Variants in IQGAP2 observed in about 807,000 individuals in gnomAD.
IQGAP2 encodes the protein IQ motif containing GTPase activating protein 2.
IQGAP2 carries 173 observed loss-of-function variants against 201.3 expected under a neutral mutation model. The observed-to-expected ratio is 0.86, with a 90% CI of 0.76 to 0.98. The LOEUF is 0.98. Among genes scored for constraint, IQGAP2 ranks in the 50% least tolerant of loss-of-function variants. The pLI is 0.00. For synonymous variants in IQGAP2, 675 were observed against 673.9 expected, an observed-to-expected ratio of 1.00 and a Z score of -0.03; for missense variants, 1,687 against 1,864.8, an observed-to-expected ratio of 0.90 and a Z score of 1.76.
intron 2 of IQGAP2, among the ~76,000 whole-genome samples, chr5:76,501,683 C>T (rs1757286398): frequency 1.4e-5 from 2 of 138,904 alleles, no homozygotes; most frequent in South Asian, 4.8e-4. Context: ...ACTCTTGTCA[C>T]CCAGGCTGGA....
chr5:76,432,771 G>A (rs1752445686), intron 1 of IQGAP2, among the ~76,000 whole-genome samples: 1 of 152,198 alleles, frequency 6.6e-6, no homozygotes. Flanking sequence ...AAGTGATTAT[G>A]AGAAGATCGG....
intron 2 of IQGAP2, among the ~76,000 whole-genome samples, chr5:76,507,574 G>T (rs139389656): frequency 0.011 from 1,747 of 152,236 alleles, 39 homozygotes; most frequent in African/African-American, 0.041. Context: ...TCCGTTCTGT[G>T]AAAGGCCATG....
intron 1 of IQGAP2, chr5:76,441,564 G>C (rs764429797): frequency 1.0e-6 from 1 of 970,666 alleles, no homozygotes; most frequent in Non-Finnish European, 1.2e-6. Context: ...TAAAGCCAGT[G>C]GCAGGGTTCG....
intron 33 of IQGAP2, among the ~76,000 whole-genome samples, chr5:76,699,963 C>CTA (rs199629787): frequency 8.6e-6 from 1 of 116,200 alleles, no homozygotes; most frequent in Non-Finnish European, 1.8e-5. Context: ...CTCTCTCTCT[C>CTA]TATATATATA....
chr5:76,509,877 A>G (rs567203192), intron 2 of IQGAP2, among the ~76,000 whole-genome samples: 2 of 152,268 alleles, frequency 1.3e-5, no homozygotes, highest in East Asian at 1.9e-4. Flanking sequence ...TTCCCACCCA[A>G]CATTTCCTAA....
chr5:76,431,516 C>T (rs1000842444), intron 1 of IQGAP2, among the ~76,000 whole-genome samples: 5 of 151,924 alleles, frequency 3.3e-5, no homozygotes, highest in Non-Finnish European at 7.4e-5. Context: ...TTTGTAGTTG[C>T]GAGAGAAATT....
chr5:76,689,361 C>T lies in IQGAP2; in HGVS notation c.3906-3994C>T, dbSNP rs1270887015. The stretch of plus-strand genomic sequence containing the variant: ...AACCATGGAACTCAGCAAGTTGCCT[C>T]GCCATCAGTTTTCTCCTCCATAATA... On this transcript the variant is annotated intron_variant, in intron 30 of 35. Coordinates refer to ENST00000274364, the MANE Select transcript of IQGAP2 (RefSeq NM_006633.5). Among the ~76,000 whole-genome samples the T allele has an allele frequency of 6.6e-5, 10 of 151,596 alleles. No homozygotes were observed. In the South Asian group the frequency reaches 1.9e-3, roughly 28 times the overall value.
intron 2 of IQGAP2, among the ~76,000 whole-genome samples, chr5:76,505,713 G>A (rs901926231): frequency 6.6e-6 from 1 of 152,104 alleles, no homozygotes; most frequent in Non-Finnish European, 1.5e-5. Flanking sequence ...CTGATCTCCT[G>A]GCTTGGAGCT....
At chr5:76,670,324 C>T (rs902598544) in intron 23 of IQGAP2, among the ~76,000 whole-genome samples, 7 of 152,138 alleles carry the variant, frequency 4.6e-5, no homozygotes, top group African/African-American at 1.7e-4. Flanking sequence ...TACTGGCTAA[C>T]ATGGTGAAAC....
chr5:76,472,890 C>T (rs1393295318), intron 2 of IQGAP2, among the ~76,000 whole-genome samples: 1 of 152,192 alleles, frequency 6.6e-6, no homozygotes, highest in Non-Finnish European at 1.5e-5. Flanking sequence ...TGCAAATGTA[C>T]TTTACTCACA....
chr5:76,411,220 G>A (rs1206687751), intron 1 of IQGAP2, among the ~76,000 whole-genome samples: 1 of 152,208 alleles, frequency 6.6e-6, no homozygotes, highest in Non-Finnish European at 1.5e-5. Flanking sequence ...ACTCTTCACA[G>A]TGCTTGCAGG....
rs376921394 is a variant in IQGAP2 at position 76,673,471 on chromosome 5, A to G, written c.3091A>G (p.Thr1031Ala). Residue 1031 changes from threonine to alanine, a missense_variant, in exon 25 of 36, where the codon ACA (threonine) becomes GCA (alanine). Coordinates refer to ENST00000274364, the MANE Select transcript of IQGAP2 (RefSeq NM_006633.5). ...EASKLPYDVT[T>A]EQALTYPEVK... ...CAGCAAGTTGCCTTATGATGTGACCACAGAACAAGCTCTAACATACCCAGA... is the reference window on the plus strand; with the variant it reads ...CAGCAAGTTGCCTTATGATGTGACCGCAGAACAAGCTCTAACATACCCAGA... 4 of 1,613,912 alleles carry G rather than the reference A, an allele frequency of 2.5e-6. No individual in the cohort carries two copies. Among genetic ancestry groups the G allele is most frequent in the Non-Finnish European group, 3.4e-6 (4 of 1,179,928 alleles).
intron 3 of IQGAP2, among the ~76,000 whole-genome samples, 180 bp from the exon 4 acceptor site, chr5:76,570,400 T>A (rs1311003000): frequency 6.6e-6 from 1 of 152,244 alleles, no homozygotes; most frequent in African/African-American, 2.4e-5. Flanking sequence ...TCACAGATGG[T>A]TGGGATGTTG....
At chr5:76,564,396 C>T (rs111968780) in intron 3 of IQGAP2, among the ~76,000 whole-genome samples, 1,953 of 152,320 alleles carry the variant, frequency 0.013, 37 homozygotes, top group African/African-American at 0.044. Flanking sequence ...GCTCCAGCTC[C>T]ACTGAAAGGG....
intron 16 of IQGAP2, among the ~76,000 whole-genome samples, chr5:76,640,449 C>G (rs1240948301): frequency 3.3e-5 from 5 of 152,076 alleles, no homozygotes; most frequent in Non-Finnish European, 7.4e-5. Flanking sequence ...GTCTTTTGCC[C>G]CAGAGCATCA....
intron 1 of IQGAP2, among the ~76,000 whole-genome samples, chr5:76,440,468 T>C (rs1381771715): frequency 1.3e-5 from 2 of 152,228 alleles, no homozygotes; most frequent in Admixed American, 6.5e-5. Flanking sequence ...AAAGATGTGC[T>C]CAGTGATGGC....
chr5:76,474,566 C>T (rs1755299764), intron 2 of IQGAP2, among the ~76,000 whole-genome samples: 1 of 152,100 alleles, frequency 6.6e-6, no homozygotes, highest in Non-Finnish European at 1.5e-5. Flanking sequence ...CCCTGGGTTG[C>T]TTTTTTGTTT....
chr5:76,471,344 ACCT>A (rs1447787581), intron 2 of IQGAP2, among the ~76,000 whole-genome samples: 1 of 129,816 alleles, frequency 7.7e-6, no homozygotes, highest in Non-Finnish European at 1.6e-5. Context: ...TTTCTGTCCT[ACCT>A]CTGAAAATAA....
intron 30 of IQGAP2, among the ~76,000 whole-genome samples, chr5:76,686,334 G>GTTT (rs143998388): frequency 0.059 from 7,639 of 129,432 alleles, 283 homozygotes; most frequent in Non-Finnish European, 0.071. Context: ...CAGTTTATCT[G>GTTT]TTTTTTTTGT....
Sources: gnomAD v4.1 joint callset for allele counts (sites outside exome capture counted in the v4.1 genomes callset) on GRCh38, gnomAD v4.1.1 for gene constraint, MANE v1.5 for transcripts, NCBI Gene and HGNC (gene_info 2026-07-23, HGNC 2026-07-21) for gene names.